ACSBG1: variants seen among roughly 807,000 people sequenced by gnomAD.
ACSBG1 encodes long-chain-fatty-acid--CoA ligase ACSBG1.
In ACSBG1, 39 loss-of-function variants were observed where a neutral mutation model predicts 80.2. That is an observed-to-expected ratio of 0.49 (90% CI 0.38 to 0.64). The LOEUF is 0.64. Among genes scored for constraint, ACSBG1 ranks in the 30% least tolerant of loss-of-function variants. ACSBG1 has a pLI of 0.00. For missense variants in ACSBG1, 828 were observed against 966.4 expected (o/e 0.86, Z 1.90); for synonymous variants, 392 against 379.5 (o/e 1.03, Z -0.38).
At chr15:78,175,298 G>A (rs1393616842) in intron 11 of ACSBG1, among the ~76,000 whole-genome samples, 1 of 152,260 alleles carries the variant, frequency 6.6e-6, no homozygotes, top group Non-Finnish European at 1.5e-5. Context: ...TAATTTTAGT[G>A]AGACTGTACT....
chr15:78,232,293 AAGT>A (rs2075452804), intron 1 of ACSBG1, among the ~76,000 whole-genome samples: 1 of 152,126 alleles, frequency 6.6e-6, no homozygotes, highest in South Asian at 2.1e-4. Flanking sequence ...CTCAGCAAGA[AAGT>A]AGTAGAACTG....
At chr15:78,221,207 C>T (rs994320292) in intron 1 of ACSBG1, among the ~76,000 whole-genome samples, 3 of 151,918 alleles carry the variant, frequency 2.0e-5, no homozygotes, top group African/African-American at 4.8e-5. Flanking sequence ...GCACCGGCGC[C>T]GGTCTCTGAG....
At chr15:78,234,328 C>T (rs758845784) in intron 1 of ACSBG1, 43 bp downstream of exon 1, 118 of 1,597,328 alleles carry the variant, frequency 7.4e-5, no homozygotes, top group Middle Eastern at 6.6e-4. Flanking sequence ...GTCTAGAACT[C>T]GGCCCACAGG....
chr15:78,210,034 G>A (rs57021464), intron 1 of ACSBG1, among the ~76,000 whole-genome samples: 15,756 of 152,260 alleles, frequency 0.1, 885 homozygotes, highest in Middle Eastern at 0.21. Context: ...AGGGTCAAGC[G>A]TACTTATCGT....
intron 1 of ACSBG1, among the ~76,000 whole-genome samples, chr15:78,222,580 T>C (rs1399035811): frequency 6.6e-6 from 1 of 152,182 alleles, no homozygotes; most frequent in East Asian, 1.9e-4. Context: ...GGAAGATCAC[T>C]TGAGCCCAGC....
intron 1 of ACSBG1, among the ~76,000 whole-genome samples, chr15:78,210,596 T>C (rs2075258864): frequency 6.6e-6 from 1 of 152,128 alleles, no homozygotes; most frequent in Non-Finnish European, 1.5e-5. Flanking sequence ...CGTCTTTCAG[T>C]TTTTATTTTG....
Position 78,171,330 on chromosome 15 carries a change from G to T in ACSBG1, c.*114C>A, listed in dbSNP as rs1183073746. 2.6e-6 allele frequency: 2 copies of T among 780,418 alleles called. No homozygotes were observed. The highest frequency in any genetic ancestry group is 1.7e-5 in the South Asian group (1 of 58,190). The allele number at this position is 780,418 out of a possible 1,614,324, so 48.3% of individuals were successfully genotyped here. A position where few individuals can be genotyped will look rare whatever the true frequency, so the allele number is the denominator to read the frequency against. Reference sequence around the variant, plus strand: ...AGCCAGTGCTGTGCCCTGACCTGGAGATCTAACAGACTTGGCAGAAATGCC... The same window carrying T: ...AGCCAGTGCTGTGCCCTGACCTGGATATCTAACAGACTTGGCAGAAATGCC... On this transcript the variant is annotated 3_prime_UTR_variant, in exon 14 of 14. Coordinates refer to ENST00000258873, the MANE Select transcript of ACSBG1 (RefSeq NM_015162.5).
In ACSBG1 at chr15:78,194,739, G is replaced by A. The variant is rs761641158; in HGVS notation, c.233-13C>T. The A allele has an allele frequency of 1.2e-5, 19 of 1,609,334 alleles. No homozygotes were observed. The highest frequency in any genetic ancestry group is 1.6e-5 in the Non-Finnish European group (19 of 1,178,786). ...CACAGCGCCTCCTCTGTGGGGTGGG[G>A]GAGACCACAGCTTGGATCATGCCAG... On this transcript the variant is annotated splice_polypyrimidine_tract_variant and intron_variant, in intron 2 of 13. Transcript: ENST00000258873.
intron 8 of ACSBG1, 167 bp from the exon 9 acceptor site, chr15:78,181,103 G>T (rs976113432): frequency 1.6e-5 from 13 of 802,604 alleles, no homozygotes; most frequent in Non-Finnish European, 2.5e-5. Flanking sequence ...CTGTCGCCTT[G>T]CTTTTTGCTC....
At chr15:78,191,309 T>C (rs537480368) in intron 5 of ACSBG1, among the ~76,000 whole-genome samples, 1 of 152,356 alleles carries the variant, frequency 6.6e-6, no homozygotes, top group East Asian at 1.9e-4. Context: ...ACCATAATAA[T>C]TGGAGATTTC....
chr15:78,207,463 T>TATC (rs1407953943), intron 2 of ACSBG1, among the ~76,000 whole-genome samples: 1 of 152,180 alleles, frequency 6.6e-6, no homozygotes, highest in Non-Finnish European at 1.5e-5. Flanking sequence ...TTATTATTAT[T>TATC]ATCATTTTGA....
intron 1 of ACSBG1, among the ~76,000 whole-genome samples, chr15:78,219,285 G>A (rs149825431): frequency 6.6e-6 from 1 of 152,046 alleles, no homozygotes; most frequent in East Asian, 1.9e-4. Flanking sequence ...GTGCACACCT[G>A]TGATCCCAGC....
intron 1 of ACSBG1, among the ~76,000 whole-genome samples, chr15:78,216,208 C>A (rs1342714728): frequency 1.3e-5 from 2 of 152,182 alleles, no homozygotes; most frequent in African/African-American, 4.8e-5. Flanking sequence ...TGATTTAGCA[C>A]CTCCTCTGTG....
Position 78,181,951 on chromosome 15 carries a change from C to G in ACSBG1, c.1071+18G>C. Reference sequence around the variant, plus strand: ...TGGCACACGGGCTCAGACGGACACACGGTAAAGGCAGACTGACCTTCAGGG... The same window carrying G: ...TGGCACACGGGCTCAGACGGACACAGGGTAAAGGCAGACTGACCTTCAGGG... On this transcript the variant is annotated intron_variant, in intron 8 of 13. Coordinates refer to ENST00000258873, the MANE Select transcript of ACSBG1 (RefSeq NM_015162.5). 1 of 1,610,958 alleles carries G rather than the reference C, an allele frequency of 6.2e-7. No homozygotes were observed. Among genetic ancestry groups the G allele is most frequent in the Non-Finnish European group, 8.5e-7 (1 of 1,178,312 alleles).
chr15:78,211,840 A>G (rs2075269691), intron 1 of ACSBG1, among the ~76,000 whole-genome samples: 1 of 152,086 alleles, frequency 6.6e-6, no homozygotes, highest in Admixed American at 6.6e-5. Flanking sequence ...AGATTTCCCC[A>G]ACACCCTCTC....
chr15:78,215,517 G>A (rs1286937999), intron 1 of ACSBG1, among the ~76,000 whole-genome samples: 1 of 152,018 alleles, frequency 6.6e-6, no homozygotes, highest in Non-Finnish European at 1.5e-5. Context: ...TTAGCTGGGC[G>A]TGGTGGTGCA....
intron 1 of ACSBG1, among the ~76,000 whole-genome samples, chr15:78,224,848 T>C (rs971286067): frequency 6.6e-6 from 1 of 152,200 alleles, no homozygotes; most frequent in African/African-American, 2.4e-5. Flanking sequence ...TCCACTCTTA[T>C]TATCTCTATT....
chr15:78,178,776 C>T lies in ACSBG1; in HGVS notation c.1540G>A (p.Gly514Ser). Reference sequence around the variant, plus strand: ...CCCCACAGGCAGATCTCGCCAATGCCCTCTGCGTCCTGGTTCACCAGCTTC... The same window carrying T: ...CCCCACAGGCAGATCTCGCCAATGCTCTCTGCGTCCTGGTTCACCAGCTTC... Reference protein sequence around the residue: ...RVKLVNQDAEGIGEICLWGRT... With the variant: ...RVKLVNQDAESIGEICLWGRT... The change falls in exon 11 of 14, where the codon GGC (glycine) becomes AGC (serine). Residue 514 changes from glycine to serine, a missense_variant. Physicochemically the swap from Gly to Ser is moderately conservative, Grantham distance 56. Coordinates refer to ENST00000258873, the MANE Select transcript of ACSBG1 (RefSeq NM_015162.5). This position sits in a 1 kb window ranked among gnomAD's most constrained non-coding sequence, Gnocchi z 4.3. 1 of 1,614,030 alleles carries T rather than the reference C, an allele frequency of 6.2e-7. No individual in the cohort carries two copies. Among genetic ancestry groups the T allele is most frequent in the Non-Finnish European group, 8.5e-7 (1 of 1,180,038 alleles).
intron 1 of ACSBG1, among the ~76,000 whole-genome samples, chr15:78,223,571 C>T (rs1308168642): frequency 2.6e-5 from 4 of 152,300 alleles, no homozygotes; most frequent in East Asian, 1.9e-4. Context: ...CCAGCTGCCA[C>T]GTCACAGACA....
Sources: allele counts gnomAD v4.1 joint callset (sites outside exome capture counted in the v4.1 genomes callset), GRCh38; gene constraint gnomAD v4.1.1; non-coding constraint Gnocchi (gnomAD v3.1); transcripts MANE v1.5; gene names NCBI Gene and HGNC (gene_info 2026-07-23, HGNC 2026-07-21).